PKNOX2: variants seen among roughly 807,000 people sequenced by gnomAD.
The protein encoded by PKNOX2 is homeobox protein PKNOX2.
A neutral mutation model predicts 53.1 loss-of-function variants in PKNOX2; 14 were observed. The observed-to-expected ratio is 0.26, with a 90% CI of 0.17 to 0.41. The LOEUF (loss-of-function observed/expected upper bound fraction) is 0.41. Among genes scored for constraint, PKNOX2 ranks in the 10% least tolerant of loss-of-function variants. The pLI, the probability that PKNOX2 is intolerant of heterozygous loss-of-function variation, is 1.00. For missense variants in PKNOX2, 496 were observed against 602.8 expected, an observed-to-expected ratio of 0.82 and a Z score of 1.85; for synonymous variants, 257 against 242.8, an observed-to-expected ratio of 1.06 and a Z score of -0.54.
At chr11:125,339,783 T>A (rs1337543920) in intron 3 of PKNOX2, among the ~76,000 whole-genome samples, 1 of 152,256 alleles carries the variant, frequency 6.6e-6, no homozygotes, top group Non-Finnish European at 1.5e-5. Context: ...TTCCCGGAGC[T>A]CTGCTCCCAG....
At chr11:125,406,792 G>A (rs1320268265) in intron 7 of PKNOX2, among the ~76,000 whole-genome samples, 3 of 151,982 alleles carry the variant, frequency 2.0e-5, no homozygotes, top group Admixed American at 6.6e-5. Context: ...ATGGAACAGC[G>A]TGGTGAAAGC....
intron 10 of PKNOX2, among the ~76,000 whole-genome samples, chr11:125,417,132 G>A (rs979299295): frequency 6.6e-6 from 1 of 152,022 alleles, no homozygotes; most frequent in Non-Finnish European, 1.5e-5. Context: ...GGTCGGCCGA[G>A]AGCCCATGGC....
At chr11:125,388,965 C>T (rs541994568) in intron 6 of PKNOX2, among the ~76,000 whole-genome samples, 13 of 152,288 alleles carry the variant, frequency 8.5e-5, no homozygotes, top group African/African-American at 2.6e-4. Flanking sequence ...GAGTCCAAGG[C>T]GGGCAGATCA....
intron 3 of PKNOX2, among the ~76,000 whole-genome samples, chr11:125,343,051 C>G (rs913219098): frequency 6.6e-6 from 1 of 152,104 alleles, no homozygotes; most frequent in African/African-American, 2.4e-5. Flanking sequence ...GGGCCACAGG[C>G]TGGGGGAGGG....
At chr11:125,205,477 C>G (rs1249255599) in intron 1 of PKNOX2, among the ~76,000 whole-genome samples, 2 of 152,226 alleles carry the variant, frequency 1.3e-5, no homozygotes, top group African/African-American at 4.8e-5. Context: ...ACTTTGTGGC[C>G]TCTGTTTCTG....
intron 1 of PKNOX2, among the ~76,000 whole-genome samples, chr11:125,217,762 T>G (rs1940685026): frequency 6.6e-6 from 1 of 152,214 alleles, no homozygotes; most frequent in Non-Finnish European, 1.5e-5. Context: ...AGGGGGAATA[T>G]TACAGCTATC....
chr11:125,168,882 TC>T (rs2135176828), intron 1 of PKNOX2, among the ~76,000 whole-genome samples: 1 of 152,376 alleles, frequency 6.6e-6, no homozygotes, highest in South Asian at 2.1e-4. Context: ...TTTATAGGCT[TC>T]CAACATGTTG....
intron 2 of PKNOX2, among the ~76,000 whole-genome samples, chr11:125,290,311 T>C (rs1947228170): frequency 6.6e-6 from 1 of 152,214 alleles, no homozygotes; most frequent in African/African-American, 2.4e-5. Context: ...AGGTTTTTGA[T>C]GTGATGCAAG....
chr11:125,279,487 C>A (rs1222068074), intron 2 of PKNOX2, among the ~76,000 whole-genome samples: 1 of 152,206 alleles, frequency 6.6e-6, no homozygotes, highest in Non-Finnish European at 1.5e-5. Flanking sequence ...AGAGTGAGAG[C>A]TTTACCCCGG....
At chr11:125,291,749 T>G (rs762413241) in intron 2 of PKNOX2, among the ~76,000 whole-genome samples, 5 of 152,166 alleles carry the variant, frequency 3.3e-5, no homozygotes, top group Non-Finnish European at 7.4e-5. Context: ...GAATAGAGTT[T>G]TGAAATATGC....
chr11:125,412,203 G>A (rs1249969843), intron 10 of PKNOX2, among the ~76,000 whole-genome samples: 1 of 152,182 alleles, frequency 6.6e-6, no homozygotes, highest in Non-Finnish European at 1.5e-5. Flanking sequence ...GGGAGTGGGT[G>A]GTTTCTGGTC....
chr11:125,213,793 C>T (rs1009232556), intron 1 of PKNOX2, among the ~76,000 whole-genome samples: 1 of 152,088 alleles, frequency 6.6e-6, no homozygotes, highest in Non-Finnish European at 1.5e-5. Flanking sequence ...GTGAACATTT[C>T]AAATTCTACG....
At chr11:125,376,880 T>C (rs1952875275) in intron 5 of PKNOX2, among the ~76,000 whole-genome samples, 1 of 152,134 alleles carries the variant, frequency 6.6e-6, no homozygotes, top group African/African-American at 2.4e-5. Flanking sequence ...ATAAAATAAA[T>C]AAAAATAAAT....
At chr11:125,299,914 G>A (rs1947922491) in intron 2 of PKNOX2, among the ~76,000 whole-genome samples, 2 of 152,206 alleles carry the variant, frequency 1.3e-5, no homozygotes, top group African/African-American at 2.4e-5. Context: ...GTCTGTTTCT[G>A]AGACACCCTG....
intron 5 of PKNOX2, among the ~76,000 whole-genome samples, chr11:125,381,840 GC>G (rs1216089858): frequency 1.3e-5 from 2 of 152,182 alleles, no homozygotes; most frequent in East Asian, 3.9e-4. Context: ...CTGCTGGAAC[GC>G]CAGTCCCTTA....
chr11:125,251,638 G>C (rs925863679), intron 2 of PKNOX2, among the ~76,000 whole-genome samples: 1 of 151,876 alleles, frequency 6.6e-6, no homozygotes, highest in African/African-American at 2.4e-5. Flanking sequence ...AGGGGAGCAA[G>C]AGGGGAAGGG....
intron 2 of PKNOX2, among the ~76,000 whole-genome samples, chr11:125,262,956 G>A (rs903885164): frequency 5.9e-5 from 9 of 152,244 alleles, no homozygotes; most frequent in African/African-American, 2.2e-4. Flanking sequence ...CCTCCCCGAG[G>A]TTGTGCCGGG....
intron 3 of PKNOX2, among the ~76,000 whole-genome samples, chr11:125,348,233 G>T (rs761296374): frequency 6.6e-6 from 1 of 152,164 alleles, no homozygotes; most frequent in African/African-American, 2.4e-5. Flanking sequence ...CTCAGGAACC[G>T]GGGAAGTGCA....
At chr11:125,413,883 C>T (rs918275522) in intron 10 of PKNOX2, among the ~76,000 whole-genome samples, 3 of 152,144 alleles carry the variant, frequency 2.0e-5, no homozygotes, top group Admixed American at 6.5e-5. Flanking sequence ...TTCCCCTGCC[C>T]AGGAGCCCAG....
Sources: allele counts gnomAD v4.1 joint callset (sites outside exome capture counted in the v4.1 genomes callset), GRCh38; gene constraint gnomAD v4.1.1; transcripts MANE v1.5; gene names NCBI Gene and HGNC (gene_info 2026-07-23, HGNC 2026-07-21).